Variants in PSPC1 observed in about 807,000 individuals in gnomAD.
The protein encoded by PSPC1 is paraspeckle component 1.
Under a neutral mutation model 51.6 loss-of-function variants are expected in PSPC1, and 14 were observed. The ratio of observed to expected loss-of-function variants is 0.27; its 90% CI spans 0.18 to 0.42. The LOEUF is 0.42. Ranked by LOEUF, PSPC1 falls within the 10% of genes least tolerant of loss-of-function variation. The pLI is 1.00. For missense variants in PSPC1, 406 were observed against 701.1 expected, an observed-to-expected ratio of 0.58 and a Z score of 4.75; for synonymous variants, 193 against 231.9, an observed-to-expected ratio of 0.83 and a Z score of 1.53.
chr13:19,730,903 C>T (rs966001190), intron 5 of PSPC1, among the ~76,000 whole-genome samples: 1 of 140,526 alleles, frequency 7.1e-6, no homozygotes, highest in Non-Finnish European at 1.5e-5. Context: ...GCGGAGATCG[C>T]GCCCCTGCAC....
intron 4 of PSPC1, among the ~76,000 whole-genome samples, chr13:19,743,607 C>T (rs1233001598): frequency 2.0e-5 from 3 of 152,154 alleles, no homozygotes; most frequent in Non-Finnish European, 4.4e-5. Context: ...CCTAGTTGAT[C>T]AGACTCAATT....
intron 4 of PSPC1, among the ~76,000 whole-genome samples, chr13:19,749,964 A>G (rs1210744714): frequency 1.3e-5 from 2 of 152,204 alleles, no homozygotes; most frequent in Admixed American, 1.3e-4. Flanking sequence ...TGGCATCAGC[A>G]CAGTTACTCA....
At chr13:19,722,342 T>A (rs79190138) in intron 6 of PSPC1, among the ~76,000 whole-genome samples, 54 of 151,196 alleles carry the variant, frequency 3.6e-4, no homozygotes, top group African/African-American at 1.1e-3. Flanking sequence ...ACAAAAAAAA[T>A]GTTTTTAATT....
At chr13:19,734,214 T>C (rs1194793611) in intron 5 of PSPC1, among the ~76,000 whole-genome samples, 2 of 152,212 alleles carry the variant, frequency 1.3e-5, no homozygotes, top group East Asian at 3.8e-4. Context: ...CAAGGATTGC[T>C]TTCTAGGTTA....
intron 6 of PSPC1, among the ~76,000 whole-genome samples, chr13:19,723,027 C>A (rs908201198): frequency 7.2e-5 from 11 of 152,166 alleles, no homozygotes; most frequent in African/African-American, 2.7e-4. Context: ...ACAAGAATCA[C>A]TTGAACCCAG....
exon 7 of PSPC1, chr13:19,677,726 G>A (rs1172389424): frequency 4.3e-5 from 20 of 462,376 alleles, no homozygotes; most frequent in Non-Finnish European, 7.8e-5. Context: ...GGACTGACCT[G>A]AAAGGAAGTA....
downstream of PSPC1, among the ~76,000 whole-genome samples, chr13:19,700,210 A>G (rs984420498): frequency 6.6e-6 from 1 of 152,102 alleles, no homozygotes; most frequent in East Asian, 1.9e-4. Flanking sequence ...GACTCTACAT[A>G]TAAGTAGCAA....
At chr13:19,720,562 C>CA (rs2137848949) in intron 6 of PSPC1, among the ~76,000 whole-genome samples, 1 of 152,162 alleles carries the variant, frequency 6.6e-6, no homozygotes, top group South Asian at 2.1e-4. Context: ...GTAACTAACT[C>CA]AAAGCTACAG....
intron 7 of PSPC1, among the ~76,000 whole-genome samples, chr13:19,706,059 A>G (rs1880616061): frequency 6.6e-6 from 1 of 152,210 alleles, no homozygotes; most frequent in Admixed American, 6.5e-5. Context: ...GAAACTATCA[A>G]TCATTTTAGG....
chr13:19,732,846 G>T (rs1442157981), intron 5 of PSPC1, among the ~76,000 whole-genome samples: 1 of 151,434 alleles, frequency 6.6e-6, no homozygotes, highest in African/African-American at 2.4e-5. Context: ...AGAATCGCTT[G>T]AGCCCAGGAG....
intron 6 of PSPC1, among the ~76,000 whole-genome samples, chr13:19,727,744 AC>A: frequency 1.3e-5 from 2 of 152,332 alleles, no homozygotes; most frequent in Middle Eastern, 6.8e-3. Flanking sequence ...ATTATAAAAA[AC>A]AATCTCATAA....
At position 19,740,229 on chromosome 13, in the gene PSPC1, G is replaced by C. The variant is rs1885295001; in HGVS notation, c.1052+1336C>G. The stretch of plus-strand genomic sequence containing the variant: ...ATGGTGGCACATGCCTGTAATCCCA[G>C]CTACTCGGGAGGCTGAGGCAGGAGA... On this transcript the variant is annotated intron_variant, in intron 5 of 8. Transcript: ENST00000338910. 2.0e-5 allele frequency among the ~76,000 whole-genome samples: 3 copies of C among 152,026 alleles called. No individual in the cohort carries two copies. In the South Asian group the frequency reaches 6.2e-4, roughly 32 times the overall value.
chr13:19,730,171 AG>A, intron 6 of PSPC1, 67 bp downstream of exon 6: 3 of 1,336,028 alleles, frequency 2.2e-6, no homozygotes, highest in Non-Finnish European at 3.2e-6. Context: ...CAAAATCTAA[AG>A]CATTCTAAAT....
chr13:19,726,473 T>C (rs1195287334), intron 6 of PSPC1, among the ~76,000 whole-genome samples: 3 of 152,352 alleles, frequency 2.0e-5, no homozygotes, highest in Non-Finnish European at 4.4e-5. Flanking sequence ...TGAAAACTAC[T>C]GGATTTAGCA....
At chr13:19,741,302 C>G (rs374382920) in intron 5 of PSPC1, among the ~76,000 whole-genome samples, 1 of 152,188 alleles carries the variant, frequency 6.6e-6, no homozygotes, top group African/African-American at 2.4e-5. Flanking sequence ...TGGATATTCA[C>G]AGCATATTCT....
intron 3 of PSPC1, among the ~76,000 whole-genome samples, chr13:19,756,847 T>C (rs1201346644): frequency 6.6e-6 from 1 of 151,794 alleles, no homozygotes; most frequent in Non-Finnish European, 1.5e-5. Context: ...AGACAGTCAG[T>C]CGCCGGGCAT....
chr13:19,779,699 C>A (rs1157095211), intron 1 of PSPC1, among the ~76,000 whole-genome samples: 1 of 108,730 alleles, frequency 9.2e-6, no homozygotes, highest in Non-Finnish European at 2.0e-5. Context: ...GTCAGCCCCC[C>A]GCCCGGCCAG....
At chr13:19,726,013 T>C (rs781725044) in intron 6 of PSPC1, among the ~76,000 whole-genome samples, 1 of 151,958 alleles carries the variant, frequency 6.6e-6, no homozygotes, top group East Asian at 1.9e-4. Context: ...TGAAGAAAGA[T>C]GGGTACAGCA....
chr13:19,780,375 G>A (rs1402026768), intron 1 of PSPC1, among the ~76,000 whole-genome samples: 1 of 93,624 alleles, frequency 1.1e-5, no homozygotes, highest in Admixed American at 1.2e-4. Context: ...AGAAAGGCGG[G>A]AAAGGTGGGG....
Sources: gnomAD v4.1 joint callset for allele counts (sites outside exome capture counted in the v4.1 genomes callset) on GRCh38, gnomAD v4.1.1 for gene constraint, MANE v1.5 for transcripts, NCBI Gene and HGNC (gene_info 2026-07-23, HGNC 2026-07-21) for gene names.